Variants in DIABLO observed in about 807,000 individuals in gnomAD.
DIABLO encodes the protein diablo homolog, mitochondrial.
In DIABLO, 32 loss-of-function variants were observed where a neutral mutation model predicts 31.7. That is an observed-to-expected ratio of 1.01 (90% CI 0.76 to 1.35). The LOEUF is 1.35. Ranked by LOEUF, DIABLO falls within the 40% of genes most tolerant of loss-of-function variation. The pLI is 0.00. For missense variants in DIABLO, 316 were observed against 286.4 expected, an observed-to-expected ratio of 1.10 and a Z score of -0.75; for synonymous variants, 132 against 103.2, an observed-to-expected ratio of 1.28 and a Z score of -1.69.
At chr12:122,213,150 G>C (rs1286638535) in intron 5 of DIABLO, among the ~76,000 whole-genome samples, 1 of 152,028 alleles carries the variant, frequency 6.6e-6, no homozygotes, top group Non-Finnish European at 1.5e-5. Flanking sequence ...CTGAGCTCAA[G>C]TGATCCACCT....
At chr12:122,208,914 CAA>C (rs1032269722) in intron 5 of DIABLO, 5 of 388,596 alleles carry the variant, frequency 1.3e-5, no homozygotes, top group Middle Eastern at 1.4e-3. Flanking sequence ...TTCTTTTTGA[CAA>C]AGAGATCATG....
In DIABLO at chr12:122,217,640, G is replaced by C. The variant is rs903992626; in HGVS notation, c.315+626C>G. 1.2e-4 allele frequency: 18 copies of C among 155,186 alleles called. 1 individual carries two copies. The South Asian group carries it at 3.4e-3, about 29-fold the overall frequency. 9.6% of individuals were successfully genotyped at this position (155,186 alleles called of 1,614,324 possible). ...AGTGATCCTCCCACCTCAGCCCCTG[G>C]AGTAACTGGGACTACAGGCACACAA... On this transcript the variant is annotated intron_variant, in intron 3 of 5. Coordinates refer to ENST00000464942, the MANE Select transcript of DIABLO (RefSeq NM_001371333.1).
intron 5 of DIABLO, among the ~76,000 whole-genome samples, chr12:122,215,750 C>T (rs376504315): frequency 6.7e-5 from 10 of 149,956 alleles, no homozygotes; most frequent in South Asian, 6.4e-4. Context: ...CTTTGGAATT[C>T]GACCTACTTG....
At chr12:122,214,107 T>TAAC (rs765431838) in intron 5 of DIABLO, among the ~76,000 whole-genome samples, 1 of 151,810 alleles carries the variant, frequency 6.6e-6, no homozygotes, top group Non-Finnish European at 1.5e-5. Flanking sequence ...ACAAAAAAAC[T>TAAC]AACAACAACA....
At position 122,208,298 on chromosome 12, in the gene DIABLO, A is replaced by T. The variant is rs562052513; in HGVS notation, c.*83T>A. 45 of 1,524,048 alleles carry T rather than the reference A, an allele frequency of 3.0e-5. No individual in the cohort carries two copies. Among genetic ancestry groups the T allele is most frequent in the Admixed American group, 8.4e-5 (5 of 59,616 alleles). The allele number at this position is 1,524,048 out of a possible 1,614,324, so 94.4% of individuals were successfully genotyped here. A position where few individuals can be genotyped will look rare whatever the true frequency, so the allele number is the denominator to read the frequency against. The stretch of plus-strand genomic sequence containing the variant: ...TCTGCCGCCTCTTCTCGGTGCACAG[A>T]CAGTCATGCCAACCCTGGGCAGGGT... On this transcript the variant is annotated 3_prime_UTR_variant, in exon 6 of 6. Coordinates refer to ENST00000464942, the MANE Select transcript of DIABLO (RefSeq NM_001371333.1).
intron 5 of DIABLO, among the ~76,000 whole-genome samples, chr12:122,209,526 G>A (rs1954029436): frequency 6.6e-6 from 1 of 152,062 alleles, no homozygotes; most frequent in Admixed American, 6.6e-5. Flanking sequence ...GTAGCTGGGT[G>A]TGGCAGAGTG....
intron 2 of DIABLO, among the ~76,000 whole-genome samples, chr12:122,222,795 CTA>C (rs1954363619): frequency 6.6e-6 from 1 of 152,052 alleles, no homozygotes; most frequent in Non-Finnish European, 1.5e-5. Flanking sequence ...TTTCGTGCTC[CTA>C]TGAGAATCCC....
intron 2 of DIABLO, among the ~76,000 whole-genome samples, chr12:122,219,029 T>A (rs1378919700): frequency 6.7e-6 from 1 of 149,404 alleles, no homozygotes; most frequent in Non-Finnish European, 1.5e-5. Flanking sequence ...GGTCAGGAGA[T>A]TGAGACGATC....
At chr12:122,216,376 A>C in intron 5 of DIABLO, 112 bp downstream of exon 5, 1 of 897,832 alleles carries the variant, frequency 1.1e-6, no homozygotes, top group Non-Finnish European at 1.8e-6. Flanking sequence ...AGTGAGAGCC[A>C]CTTAGACCAT....
intron 5 of DIABLO, among the ~76,000 whole-genome samples, chr12:122,214,580 T>TA (rs1484125228): frequency 6.6e-6 from 1 of 152,038 alleles, no homozygotes; most frequent in Non-Finnish European, 1.5e-5. Flanking sequence ...CGAGCGCCAA[T>TA]ACGCCCAGCT....
rs1268293561 is a variant in DIABLO, at chr12:122,207,766, G to C, written c.*615C>G. The C allele has an allele frequency of 4.2e-6, 2 of 476,976 alleles. No homozygotes were observed. The highest frequency in any genetic ancestry group is 8.2e-6 in the Non-Finnish European group (2 of 242,656). The allele number at this position is 476,976 out of a possible 1,614,324, so 29.5% of individuals were successfully genotyped here. The stretch of plus-strand genomic sequence containing the variant: ...AACGGAAAGAAAGGAAGGAACAAGA[G>C]GCCTGTGTTAAGTCCTGTTGATGTT... On this transcript the variant is annotated 3_prime_UTR_variant, in exon 6 of 6. Coordinates refer to ENST00000464942, the MANE Select transcript of DIABLO (RefSeq NM_001371333.1).
intron 1 of DIABLO, 132 bp from the exon 2 acceptor site, chr12:122,224,776 G>C (rs750737402): frequency 6.3e-7 from 1 of 1,583,322 alleles, no homozygotes; most frequent in African/African-American, 1.3e-5. Flanking sequence ...ACAGCTGAGG[G>C]GTTTTGAAAT....
Position 122,207,753 on chromosome 12 carries a change from G to C in DIABLO, c.*628C>G. ...GATACAATAGAGAAACGGAAAGAAAGGAAGGAACAAGAGGCCTGTGTTAAG... is the reference window on the plus strand; with the variant it reads ...GATACAATAGAGAAACGGAAAGAAACGAAGGAACAAGAGGCCTGTGTTAAG... On this transcript the variant is annotated 3_prime_UTR_variant, in exon 6 of 6. Transcript: ENST00000464942. 1 of 484,422 alleles carries C rather than the reference G, an allele frequency of 2.1e-6. No individual in the cohort carries two copies. Among genetic ancestry groups the C allele is most frequent in the Non-Finnish European group, 4.0e-6 (1 of 247,550 alleles). 30.0% of individuals were successfully genotyped at this position (484,422 alleles called of 1,614,324 possible).
intron 5 of DIABLO, among the ~76,000 whole-genome samples, chr12:122,215,543 G>T (rs2136093763): frequency 6.6e-6 from 1 of 152,312 alleles, no homozygotes; most frequent in Admixed American, 6.5e-5. Context: ...GGTGGAGGTT[G>T]CAGTGAGCCT....
At chr12:122,225,696 C>G in intron 1 of DIABLO, 1 of 1,403,674 alleles carries the variant, frequency 7.1e-7, no homozygotes, top group Non-Finnish European at 9.3e-7. Context: ...GAGGGCTGGT[C>G]AGGAGGCGGA....
In DIABLO at chr12:122,207,882, G is replaced by T. The variant is rs1472939654; in HGVS notation, c.*499C>A. ...CTCCTTGGCCTCAGCTGTCCTCACA[G>T]GACAGTGGGGGCAGATCAGAGAACA... is the stretch of plus-strand genomic sequence containing the variant. On this transcript the variant is annotated 3_prime_UTR_variant, in exon 6 of 6. Transcript: ENST00000464942. 1 of 460,558 alleles carries T rather than the reference G, an allele frequency of 2.2e-6. No homozygotes were observed. The highest frequency in any genetic ancestry group is 4.3e-6 in the Non-Finnish European group (1 of 231,248). 28.5% of individuals were successfully genotyped at this position (460,558 alleles called of 1,614,324 possible).
chr12:122,223,272 T>C (rs1005706263), intron 2 of DIABLO, among the ~76,000 whole-genome samples: 5 of 151,468 alleles, frequency 3.3e-5, no homozygotes, highest in African/African-American at 1.2e-4. Context: ...CCATCTCTAC[T>C]AAAAATACAA....
rs1384702645 is a variant in DIABLO, at chr12:122,215,901, AAAAAG to A, written c.523+582_523+586del. On this transcript the variant is annotated intron_variant, in intron 5 of 5. Transcript: ENST00000464942. ...TATGAAGGAAAAAAAAAAAAAAAAA[AAAAAG>A]ACCTACTCAGCTGAATCTCAGCTTG... Among the ~76,000 whole-genome samples the A allele has an allele frequency of 2.6e-3, 390 of 151,792 alleles. 1 individual carries two copies. The highest frequency in any genetic ancestry group is 9.1e-3 in the African/African-American group (376 of 41,394).
At chr12:122,208,599 G>T in intron 5 of DIABLO, 22 bp from the exon 6 acceptor site, 1 of 1,608,654 alleles carries the variant, frequency 6.2e-7, no homozygotes, top group South Asian at 1.1e-5. Context: ...TGGGACAATC[G>T]GGTTGAGCAG....
Sources: gnomAD v4.1 joint callset for allele counts (sites outside exome capture counted in the v4.1 genomes callset) on GRCh38, gnomAD v4.1.1 for gene constraint, MANE v1.5 for transcripts, NCBI Gene and HGNC (gene_info 2026-07-23, HGNC 2026-07-21) for gene names.